Variants in TYW1B observed in about 807,000 individuals in gnomAD.
The protein encoded by TYW1B is S-adenosyl-L-methionine-dependent tRNA 4-demethylwyosine synthase TYW1B.
In TYW1B, 73 loss-of-function variants were observed where a neutral mutation model predicts 86.9. That is an observed-to-expected ratio of 0.84 (90% CI 0.70 to 1.02). The LOEUF (loss-of-function observed/expected upper bound fraction) is 1.02, where lower values mean the gene tolerates loss of function less well. Ranked by LOEUF, TYW1B falls within the 50% of genes least tolerant of loss-of-function variation. The pLI is 0.00. For missense variants in TYW1B, 637 were observed against 827.4 expected (o/e 0.77, Z 2.82); for synonymous variants, 248 against 292.8 (o/e 0.85, Z 1.56).
At chr7:72,672,358 A>G (rs1554446509) in intron 11 of TYW1B, among the ~76,000 whole-genome samples, 4 of 152,058 alleles carry the variant, frequency 2.6e-5, no homozygotes, top group South Asian at 2.1e-4. Context: ...ACATTAACAG[A>G]GCATGAAGCA....
chr7:72,665,374 C>A (rs782136391), intron 11 of TYW1B, among the ~76,000 whole-genome samples: 3 of 152,200 alleles, frequency 2.0e-5, no homozygotes, highest in Non-Finnish European at 4.4e-5. Flanking sequence ...TCTGATGACA[C>A]TGAGAAGCCA....
chr7:72,621,337 C>T (rs1554437927), intron 12 of TYW1B, among the ~76,000 whole-genome samples: 1 of 152,178 alleles, frequency 6.6e-6, no homozygotes, highest in East Asian at 1.9e-4. Flanking sequence ...ATACTTCATT[C>T]CTTTATCCTA....
At chr7:72,707,456 G>A (rs1246652368) in intron 10 of TYW1B, among the ~76,000 whole-genome samples, 1 of 152,242 alleles carries the variant, frequency 6.6e-6, no homozygotes, top group Non-Finnish European at 1.5e-5. Context: ...ATGGGTGGTT[G>A]CAGCAAAAGA....
intron 12 of TYW1B, among the ~76,000 whole-genome samples, chr7:72,621,007 A>G (rs1487117836): frequency 1.3e-5 from 2 of 151,964 alleles, no homozygotes; most frequent in African/African-American, 4.8e-5. Context: ...TTTTGGACCC[A>G]CCCCCACTGC....
intron 2 of TYW1B, among the ~76,000 whole-genome samples, chr7:72,820,048 G>C (rs1788799131): frequency 6.6e-6 from 1 of 152,108 alleles, no homozygotes; most frequent in Non-Finnish European, 1.5e-5. Flanking sequence ...GCCAAGATGG[G>C]TGGATTACCT....
chr7:72,709,256 T>A (rs782337728), intron 10 of TYW1B, among the ~76,000 whole-genome samples: 3 of 152,182 alleles, frequency 2.0e-5, no homozygotes, highest in Non-Finnish European at 2.9e-5. Context: ...ATGGCTACTT[T>A]CTACATATTC....
intron 11 of TYW1B, among the ~76,000 whole-genome samples, chr7:72,645,207 T>A (rs1812899302): frequency 2.0e-5 from 3 of 152,170 alleles, no homozygotes; most frequent in African/African-American, 7.2e-5. Context: ...TGGCTACTTC[T>A]TATCAAAAGT....
At chr7:72,740,887 C>T (rs1222057885) in intron 8 of TYW1B, among the ~76,000 whole-genome samples, 15 of 151,984 alleles carry the variant, frequency 9.9e-5, no homozygotes, top group South Asian at 2.1e-4. Context: ...CCCACCACCA[C>T]GCCTGGCTAA....
chr7:72,590,750 G>A (rs35556751), intron 13 of TYW1B, among the ~76,000 whole-genome samples: 213 of 151,556 alleles, frequency 1.4e-3, no homozygotes, highest in Admixed American at 1.1e-3. Context: ...CCACATGATA[G>A]GATACAAATG....
chr7:72,740,467 CTT>C (rs370164283), intron 8 of TYW1B, among the ~76,000 whole-genome samples: 73,943 of 116,394 alleles, frequency 0.64, 22,669 homozygotes, highest in Middle Eastern at 0.71. Flanking sequence ...CTGGGAGAAG[CTT>C]TTTTTTTTTT....
chr7:72,576,677 T>A (rs1441177619), intron 13 of TYW1B, among the ~76,000 whole-genome samples: 1 of 152,074 alleles, frequency 6.6e-6, no homozygotes, highest in Non-Finnish European at 1.5e-5. Flanking sequence ...CACACCTGGC[T>A]AATTTTTTGT....
intron 11 of TYW1B, among the ~76,000 whole-genome samples, chr7:72,631,665 T>C (rs568081905): frequency 2.8e-4 from 42 of 152,094 alleles, no homozygotes; most frequent in Non-Finnish European, 3.8e-4. Flanking sequence ...AAATAATTAA[T>C]TGTAAATAAT....
chr7:72,808,687 C>G (rs2129572635), intron 4 of TYW1B, among the ~76,000 whole-genome samples: 1 of 151,934 alleles, frequency 6.6e-6, no homozygotes, highest in Admixed American at 6.6e-5. Context: ...GCCACCATGC[C>G]CGGCTAATTT....
intron 11 of TYW1B, among the ~76,000 whole-genome samples, chr7:72,660,884 C>T (rs1813311781): frequency 6.6e-6 from 1 of 151,938 alleles, no homozygotes; most frequent in African/African-American, 2.4e-5. Context: ...TGCCTGTAAT[C>T]CCAACACTTT....
At chr7:72,671,109 A>G (rs192682522) in intron 11 of TYW1B, among the ~76,000 whole-genome samples, 1 of 152,284 alleles carries the variant, frequency 6.6e-6, no homozygotes, top group East Asian at 1.9e-4. Flanking sequence ...CTCTGGTCAG[A>G]GAGACATAAA....
chr7:72,718,498 C>G (rs1786833442), intron 9 of TYW1B, among the ~76,000 whole-genome samples: 1 of 151,856 alleles, frequency 6.6e-6, no homozygotes, highest in Non-Finnish European at 1.5e-5. Context: ...GCAAGTAAAT[C>G]CCCAAGAGAT....
chr7:72,813,164 ACTT>A (rs1302580217), intron 3 of TYW1B, among the ~76,000 whole-genome samples: 28 of 141,178 alleles, frequency 2.0e-4, no homozygotes, highest in South Asian at 6.6e-4. Context: ...AGCTCTACAT[ACTT>A]CTTCTTTTTT....
At chr7:72,786,342 G>A (rs1158473668) in intron 6 of TYW1B, among the ~76,000 whole-genome samples, 1 of 152,052 alleles carries the variant, frequency 6.6e-6, no homozygotes, top group Non-Finnish European at 1.5e-5. Flanking sequence ...ATGATTTTAT[G>A]AGAGATTTTT....
At chr7:72,601,015 G>A (rs1563025131) in intron 13 of TYW1B, among the ~76,000 whole-genome samples, 1 of 151,952 alleles carries the variant, frequency 6.6e-6, no homozygotes, top group East Asian at 1.9e-4. Context: ...AAATTAGCTG[G>A]GTGTGGTGGC....
Sources: allele counts gnomAD v4.1 joint callset (sites outside exome capture counted in the v4.1 genomes callset), GRCh38; gene constraint gnomAD v4.1.1; transcripts MANE v1.5; gene names NCBI Gene and HGNC (gene_info 2026-07-23, HGNC 2026-07-21).